Variants in CTNNA3 observed in about 807,000 individuals in gnomAD.
CTNNA3 encodes the protein catenin alpha-3.
A neutral mutation model predicts 95.7 loss-of-function variants in CTNNA3; 76 were observed. That is an observed-to-expected ratio of 0.79 (90% CI 0.66 to 0.96). The LOEUF (loss-of-function observed/expected upper bound fraction) is 0.96, where lower values mean the gene tolerates loss of function less well. CTNNA3 is among the 40% of genes least tolerant of loss of function. CTNNA3 has a pLI of 0.00. For synonymous variants in CTNNA3, 431 were observed against 374.4 expected (o/e 1.15, Z -1.74); for missense variants, 1,191 against 1,089.8 (o/e 1.09, Z -1.31).
intron 1 of CTNNA3, among the ~76,000 whole-genome samples, chr10:67,678,797 T>TAAAG (rs1172142241): frequency 6.6e-6 from 1 of 152,040 alleles, no homozygotes; most frequent in Non-Finnish European, 1.5e-5. Context: ...AGGAAGAAGG[T>TAAAG]AAAGGTTAGG....
chr10:67,605,001 A>C (rs533637889), intron 3 of CTNNA3, among the ~76,000 whole-genome samples: 29 of 152,360 alleles, frequency 1.9e-4, no homozygotes, highest in Middle Eastern at 3.4e-3. Context: ...AATTAGAAAT[A>C]GAACTACCAT....
At chr10:65,958,431 G>T (rs1383681033) in intron 17 of CTNNA3, among the ~76,000 whole-genome samples, 1 of 152,126 alleles carries the variant, frequency 6.6e-6, no homozygotes, top group Non-Finnish European at 1.5e-5. Context: ...TTCCATTGCT[G>T]GTGAGGCGCT....
intron 11 of CTNNA3, among the ~76,000 whole-genome samples, chr10:66,455,409 A>T (rs1052394175): frequency 6.6e-6 from 1 of 152,190 alleles, no homozygotes; most frequent in African/African-American, 2.4e-5. Context: ...GCAAGGTTAT[A>T]GTGAGGTAGG....
chr10:67,054,216 A>T (rs1855286317), intron 7 of CTNNA3, among the ~76,000 whole-genome samples: 1 of 152,196 alleles, frequency 6.6e-6, no homozygotes, highest in Non-Finnish European at 1.5e-5. Context: ...TTTATAAATA[A>T]AAAGGCTGTA....
chr10:65,970,880 T>C (rs920205869), intron 16 of CTNNA3, among the ~76,000 whole-genome samples: 6 of 151,360 alleles, frequency 4.0e-5, no homozygotes, highest in African/African-American at 1.5e-4. Flanking sequence ...ATAAAACAAG[T>C]ACTTCTAGAT....
intron 6 of CTNNA3, among the ~76,000 whole-genome samples, chr10:67,184,229 C>G (rs1231683720): frequency 1.3e-5 from 2 of 152,188 alleles, no homozygotes; most frequent in Non-Finnish European, 2.9e-5. Context: ...GAATCCCAAA[C>G]ACTATTACCA....
At chr10:66,812,809 A>G (rs1841934405) in intron 7 of CTNNA3, among the ~76,000 whole-genome samples, 1 of 152,166 alleles carries the variant, frequency 6.6e-6, no homozygotes, top group African/African-American at 2.4e-5. Context: ...CTAGATGTAT[A>G]ACTGCAAATT....
intron 15 of CTNNA3, among the ~76,000 whole-genome samples, chr10:66,015,120 T>TAATAATAATAATAA (rs1473213663): frequency 2.0e-5 from 3 of 151,252 alleles, no homozygotes; most frequent in Non-Finnish European, 4.4e-5. Flanking sequence ...ATAATAATAA[T>TAATAATAATAATAA]AATAAAATAA....
intron 7 of CTNNA3, among the ~76,000 whole-genome samples, chr10:66,988,035 T>G (rs1850830443): frequency 6.6e-6 from 1 of 152,154 alleles, no homozygotes; most frequent in Non-Finnish European, 1.5e-5. Context: ...TTAATATAAT[T>G]TAGTCTTTTT....
chr10:66,786,190 C>T (rs1840733114), intron 7 of CTNNA3, among the ~76,000 whole-genome samples: 1 of 152,074 alleles, frequency 6.6e-6, no homozygotes. Flanking sequence ...TTATTGAGTC[C>T]CTCAAGCCTT....
At chr10:67,460,131 A>C (rs904755100) in intron 5 of CTNNA3, among the ~76,000 whole-genome samples, 3 of 152,180 alleles carry the variant, frequency 2.0e-5, no homozygotes, top group Non-Finnish European at 4.4e-5. Flanking sequence ...TACATATTCA[A>C]CATAGGTTTA....
At chr10:67,171,445 AT>A (rs1451939920) in intron 7 of CTNNA3, among the ~76,000 whole-genome samples, 2 of 151,970 alleles carry the variant, frequency 1.3e-5, no homozygotes, top group African/African-American at 4.8e-5. Flanking sequence ...GTGGTGGCAT[AT>A]GCCTGTAATC....
chr10:66,157,532 T>C (rs534503073), intron 13 of CTNNA3, among the ~76,000 whole-genome samples: 1 of 118,784 alleles, frequency 8.4e-6, no homozygotes, highest in African/African-American at 3.0e-5. Flanking sequence ...GATAGATAGA[T>C]AGATAGATAA....
intron 7 of CTNNA3, among the ~76,000 whole-genome samples, chr10:67,129,493 A>T (rs1166276260): frequency 1.3e-5 from 2 of 152,198 alleles, no homozygotes; most frequent in East Asian, 3.8e-4. Context: ...TATAATGTGC[A>T]ATTAAAACTC....
At position 67,298,987 on chromosome 10, in the gene CTNNA3, C is replaced by G. The variant is rs551190744; in HGVS notation, c.580-79117G>C. Among the ~76,000 whole-genome samples the G allele has an allele frequency of 9.0e-4, 137 of 151,982 alleles. 1 individual carries two copies. Among genetic ancestry groups the G allele is most frequent in the African/African-American group, 3.1e-3 (127 of 41,446 alleles). ...CCAGGCTGGAGTGCAGTAGTGCGAT[C>G]TCCTGGGTTCAAGTGATTTTCCTGT... is the stretch of plus-strand genomic sequence containing the variant. On this transcript the variant is annotated intron_variant, in intron 5 of 17. Coordinates refer to ENST00000433211, the MANE Select transcript of CTNNA3 (RefSeq NM_013266.4).
intron 12 of CTNNA3, among the ~76,000 whole-genome samples, chr10:66,333,465 T>G (rs1013332266): frequency 2.8e-4 from 43 of 152,180 alleles, no homozygotes; most frequent in African/African-American, 9.9e-4. Context: ...TATCTTTATT[T>G]CTGCCTTCAT....
chr10:66,437,116 T>C (rs2093343464), intron 11 of CTNNA3, among the ~76,000 whole-genome samples: 1 of 152,168 alleles, frequency 6.6e-6, no homozygotes, highest in Non-Finnish European at 1.5e-5. Context: ...TGGCTGCTCT[T>C]AACATTTTTT....
chr10:67,245,935 T>C (rs10509285), intron 5 of CTNNA3, among the ~76,000 whole-genome samples: 5,054 of 152,022 alleles, frequency 0.033, 196 homozygotes, highest in South Asian at 0.18. Context: ...TAGCATAAAC[T>C]TCCTGCTCCC....
At chr10:67,138,656 C>T (rs1860403891) in intron 7 of CTNNA3, among the ~76,000 whole-genome samples, 1 of 152,164 alleles carries the variant, frequency 6.6e-6, no homozygotes, top group Non-Finnish European at 1.5e-5. Context: ...AAAAATTATT[C>T]CTTTCAACCA....
Sources: gnomAD v4.1 joint callset for allele counts (sites outside exome capture counted in the v4.1 genomes callset) on GRCh38, gnomAD v4.1.1 for gene constraint, MANE v1.5 for transcripts, NCBI Gene and HGNC (gene_info 2026-07-23, HGNC 2026-07-21) for gene names.